OPCML: variants seen among roughly 807,000 people sequenced by gnomAD.
The protein encoded by OPCML is opioid binding protein/cell adhesion molecule like.
OPCML carries 13 observed loss-of-function variants against 37.8 expected under a neutral mutation model. The observed-to-expected ratio is 0.34, with a 90% confidence interval of 0.22 to 0.55. The LOEUF is 0.55. Ranked by LOEUF, OPCML falls within the 20% of genes least tolerant of loss-of-function variation. The probability of loss-of-function intolerance (pLI) is 0.91; values close to 1 mark genes in which losing one functional copy is unlikely to be tolerated. For missense variants in OPCML, 341 were observed against 435.6 expected (o/e 0.78, Z 1.93); for synonymous variants, 176 against 168.8 (o/e 1.04, Z -0.33).
At chr11:133,142,238 G>A (rs774960365) in intron 1 of OPCML, among the ~76,000 whole-genome samples, 82 of 152,222 alleles carry the variant, frequency 5.4e-4, no homozygotes, top group Middle Eastern at 3.4e-3. Flanking sequence ...AAAAAGGGTC[G>A]CAACTCATTA....
chr11:133,317,903 G>C (rs964980203), intron 1 of OPCML, among the ~76,000 whole-genome samples: 2 of 152,160 alleles, frequency 1.3e-5, no homozygotes, highest in Admixed American at 1.3e-4. Context: ...TTGCTGTAAC[G>C]GTAAATACTG....
At chr11:133,125,888 G>T (rs562637199) in intron 1 of OPCML, among the ~76,000 whole-genome samples, 94 of 117,842 alleles carry the variant, frequency 8.0e-4, no homozygotes, top group Non-Finnish European at 1.2e-3. Flanking sequence ...CATGTATATA[G>T]TATATACACA....
intron 1 of OPCML, among the ~76,000 whole-genome samples, chr11:133,273,562 T>C (rs1357627442): frequency 7.4e-6 from 1 of 135,474 alleles, no homozygotes; most frequent in Non-Finnish European, 1.7e-5. Context: ...AGACAGAAGC[T>C]TTTTTTTTCT....
At chr11:133,191,551 CTT>C (rs1295288546) in intron 1 of OPCML, among the ~76,000 whole-genome samples, 1 of 150,468 alleles carries the variant, frequency 6.6e-6, no homozygotes, top group Non-Finnish European at 1.5e-5. Context: ...GAGTTTCACT[CTT>C]GTCATCCAGG....
chr11:132,645,583 C>G (rs1941106103), intron 3 of OPCML, among the ~76,000 whole-genome samples: 3 of 152,086 alleles, frequency 2.0e-5, no homozygotes, highest in Non-Finnish European at 4.4e-5. Context: ...AAATTACAGT[C>G]TAGGAGAGCA....
At chr11:133,333,261 G>A (rs1470653381) in intron 1 of OPCML, among the ~76,000 whole-genome samples, 1 of 152,046 alleles carries the variant, frequency 6.6e-6, no homozygotes, top group East Asian at 1.9e-4. Flanking sequence ...GTTTCACCAT[G>A]TTGCCCAGGC....
At chr11:133,333,356 T>C (rs1943668233) in intron 1 of OPCML, among the ~76,000 whole-genome samples, 1 of 151,660 alleles carries the variant, frequency 6.6e-6, no homozygotes, top group African/African-American at 2.4e-5. Context: ...AACCATCTGA[T>C]TTTTAACAAA....
chr11:133,491,929 T>C (rs1947672906), intron 1 of OPCML, among the ~76,000 whole-genome samples: 1 of 152,206 alleles, frequency 6.6e-6, no homozygotes, highest in Non-Finnish European at 1.5e-5. Context: ...CTTTCTATCC[T>C]GGGCTCCCAC....
intron 2 of OPCML, among the ~76,000 whole-genome samples, chr11:132,766,192 G>A (rs568649152): frequency 1.3e-5 from 2 of 152,138 alleles, no homozygotes; most frequent in South Asian, 2.1e-4. Flanking sequence ...GATGGCATCA[G>A]GGAAAAAAAG....
chr11:133,140,888 AC>A, intron 1 of OPCML, among the ~76,000 whole-genome samples: 1 of 16,742 alleles, frequency 6.0e-5, no homozygotes, highest in Non-Finnish European at 3.8e-4. Context: ...GACGACGACG[AC>A]GACGAAGACG....
chr11:133,475,136 C>A (rs1947211458), intron 1 of OPCML, among the ~76,000 whole-genome samples: 1 of 152,060 alleles, frequency 6.6e-6, no homozygotes. Flanking sequence ...AATAGTATTC[C>A]TACACAACTG....
chr11:132,995,282 T>A (rs1386861834), intron 1 of OPCML, among the ~76,000 whole-genome samples: 1 of 152,186 alleles, frequency 6.6e-6, no homozygotes, highest in Non-Finnish European at 1.5e-5. Flanking sequence ...AAATGAACTG[T>A]GCTGTGCTCG....
At chr11:133,474,175 A>G (rs1947182471) in intron 1 of OPCML, among the ~76,000 whole-genome samples, 1 of 152,208 alleles carries the variant, frequency 6.6e-6, no homozygotes, top group Non-Finnish European at 1.5e-5. Flanking sequence ...CATGAATTTA[A>G]TATTCCTTGA....
At chr11:133,451,810 C>G (rs1946585691) in intron 1 of OPCML, among the ~76,000 whole-genome samples, 1 of 150,732 alleles carries the variant, frequency 6.6e-6, no homozygotes, top group Non-Finnish European at 1.5e-5. Context: ...CCATTGCAGC[C>G]CAGCCTGGGC....
intron 1 of OPCML, among the ~76,000 whole-genome samples, chr11:133,002,080 C>CA (rs1220650932): frequency 6.6e-6 from 1 of 152,176 alleles, no homozygotes; most frequent in African/African-American, 2.4e-5. Flanking sequence ...GGGATTGACT[C>CA]TCTTGAGATC....
intron 3 of OPCML, among the ~76,000 whole-genome samples, chr11:132,533,343 A>G (rs192360430): frequency 3.7e-4 from 56 of 152,312 alleles, no homozygotes; most frequent in African/African-American, 1.2e-3. Context: ...ATAGCTAGGC[A>G]GAAGAAAGAT....
In OPCML at chr11:132,416,647, G is replaced by C. The variant is rs2095939648; in HGVS notation, c.*3546C>G. ...AATCTGTAAATGTATCATCTAGTAA[G>C]AGGCATGGATGTAAGAAGAAAGAGA... is the stretch of plus-strand genomic sequence containing the variant. On this transcript the variant is annotated 3_prime_UTR_variant, in exon 8 of 8. Coordinates refer to ENST00000524381, the MANE Select transcript of OPCML (RefSeq NM_001012393.5). 6.6e-6 allele frequency: 1 copy of C among 152,136 alleles called. No homozygotes were observed. Among genetic ancestry groups the C allele is most frequent in the Admixed American group, 6.5e-5 (1 of 15,280 alleles). The allele number at this position is 152,136 out of a possible 1,614,324, so 9.4% of individuals were successfully genotyped here. A position where few individuals can be genotyped will look rare whatever the true frequency, so the allele number is the denominator to read the frequency against.
At chr11:133,489,692 C>T (rs1947610898) in intron 1 of OPCML, among the ~76,000 whole-genome samples, 1 of 151,886 alleles carries the variant, frequency 6.6e-6, no homozygotes, top group Non-Finnish European at 1.5e-5. Flanking sequence ...GGCTATCTAC[C>T]CAAAGGGAAA....
intron 1 of OPCML, among the ~76,000 whole-genome samples, chr11:133,086,194 C>T (rs1315634154): frequency 6.6e-6 from 1 of 152,180 alleles, no homozygotes; most frequent in East Asian, 1.9e-4. Flanking sequence ...TCTATGAACA[C>T]ATTTTCATTT....
Sources: gnomAD v4.1 joint callset for allele counts (sites outside exome capture counted in the v4.1 genomes callset) on GRCh38, gnomAD v4.1.1 for gene constraint, MANE v1.5 for transcripts, NCBI Gene and HGNC (gene_info 2026-07-23, HGNC 2026-07-21) for gene names.